PKHD1: variants seen among roughly 807,000 people sequenced by gnomAD.
PKHD1 encodes the protein PKHD1 ciliary IPT domain containing fibrocystin/polyductin.
PKHD1 carries 291 observed loss-of-function variants against 412.0 expected under a neutral mutation model. The ratio of observed to expected loss-of-function variants is 0.71; its 90% CI spans 0.64 to 0.78. The LOEUF (loss-of-function observed/expected upper bound fraction) is 0.78, where lower values mean the gene tolerates loss of function less well. PKHD1 is among the 30% of genes least tolerant of loss of function. The pLI is 0.00. For synonymous variants in PKHD1, 1,777 were observed against 1,821.5 expected, an observed-to-expected ratio of 0.98 and a Z score of 0.62; for missense variants, 4,825 against 4,950.7, an observed-to-expected ratio of 0.97 and a Z score of 0.76.
In PKHD1 at chr6:51,912,365, C is replaced by G; in HGVS notation, c.6332+1G>C. On this transcript the variant is annotated splice_donor_variant, in intron 38 of 66. Coordinates refer to ENST00000371117, the MANE Select transcript of PKHD1 (RefSeq NM_138694.4). LOFTEE classifies it high-confidence loss of function. ...AACTTAGCCAAGCTGACACTCAGTA[C>G]CTCAAAGGTGACTTAAGATAGAGGT... is the stretch of plus-strand genomic sequence containing the variant. 1 of 1,597,116 alleles carries G rather than the reference C, an allele frequency of 6.3e-7. No individual in the cohort carries two copies. Among genetic ancestry groups the G allele is most frequent in the Non-Finnish European group, 8.6e-7 (1 of 1,164,826 alleles).
chr6:52,034,179 G>GAA (rs60829265), intron 28 of PKHD1, among the ~76,000 whole-genome samples: 1 of 139,860 alleles, frequency 7.2e-6, no homozygotes, highest in Non-Finnish European at 1.5e-5. Flanking sequence ...AACTCTAGGG[G>GAA]AAAAAAAAAA....
chr6:52,074,729 G>A (rs1811108100), intron 6 of PKHD1, among the ~76,000 whole-genome samples: 2 of 152,190 alleles, frequency 1.3e-5, no homozygotes, highest in South Asian at 4.1e-4. Flanking sequence ...TGCTCAGAAA[G>A]CATCGTCTCT....
chr6:51,864,081 C>G (rs1057198162), intron 48 of PKHD1, among the ~76,000 whole-genome samples: 3 of 152,106 alleles, frequency 2.0e-5, no homozygotes, highest in South Asian at 2.1e-4. Flanking sequence ...CTCAGGGAAG[C>G]CTAGCAGAGA....
At chr6:51,848,883 TA>T (rs1179553371) in intron 49 of PKHD1, among the ~76,000 whole-genome samples, 1 of 150,752 alleles carries the variant, frequency 6.6e-6, no homozygotes, top group Non-Finnish European at 1.5e-5. Flanking sequence ...TGGAAAAATG[TA>T]CCCACTTTCC....
chr6:51,906,472 A>C, intron 40 of PKHD1, 132 bp from the exon 41 acceptor site: 1 of 741,610 alleles, frequency 1.3e-6, no homozygotes, highest in African/African-American at 1.7e-5. Flanking sequence ...AAGAAGTTAG[A>C]AGCAGCAATC....
intron 60 of PKHD1, among the ~76,000 whole-genome samples, chr6:51,743,640 G>A (rs1176704639): frequency 1.3e-5 from 2 of 152,194 alleles, no homozygotes; most frequent in Non-Finnish European, 2.9e-5. Flanking sequence ...ACATAGTCCT[G>A]TGAAAGTCAC....
intron 63 of PKHD1, among the ~76,000 whole-genome samples, chr6:51,646,347 A>C (rs951991417): frequency 5.3e-5 from 8 of 152,176 alleles, no homozygotes; most frequent in African/African-American, 1.9e-4. Flanking sequence ...ATGCATGAAG[A>C]GTTTGAGGCT....
chr6:51,949,974 A>C (rs1211421999), intron 36 of PKHD1, among the ~76,000 whole-genome samples: 2 of 152,024 alleles, frequency 1.3e-5, no homozygotes, highest in African/African-American at 4.8e-5. Context: ...CTGCTTATGC[A>C]TCTCCCTGTT....
intron 57 of PKHD1, among the ~76,000 whole-genome samples, chr6:51,749,858 TTG>T (rs1003758883): frequency 3.3e-5 from 5 of 152,240 alleles, no homozygotes; most frequent in Non-Finnish European, 7.3e-5. Flanking sequence ...CAATAATTAG[TTG>T]TGTGTCCTTT....
At chr6:51,767,241 G>C (rs1789212475) in intron 55 of PKHD1, among the ~76,000 whole-genome samples, 1 of 151,464 alleles carries the variant, frequency 6.6e-6, no homozygotes, top group African/African-American at 2.4e-5. Flanking sequence ...CTAATGTTTG[G>C]CTATTTTCTC....
intron 43 of PKHD1, among the ~76,000 whole-genome samples, chr6:51,899,922 T>C (rs1386056799): frequency 1.3e-5 from 2 of 152,022 alleles, no homozygotes; most frequent in South Asian, 2.1e-4. Context: ...TCACAATTGC[T>C]TCAAAGAGAA....
At chr6:51,854,846 G>A (rs1445046150) in intron 49 of PKHD1, among the ~76,000 whole-genome samples, 1 of 152,226 alleles carries the variant, frequency 6.6e-6, no homozygotes, top group Non-Finnish European at 1.5e-5. Context: ...CATCCACAGA[G>A]CTTAGCATGT....
At chr6:51,693,916 A>T (rs1356849937) in intron 60 of PKHD1, among the ~76,000 whole-genome samples, 1 of 152,186 alleles carries the variant, frequency 6.6e-6, no homozygotes, top group African/African-American at 2.4e-5. Context: ...CATCTTTTTC[A>T]CTTTTAAGTA....
At chr6:52,045,321 A>G (rs1805622374) in intron 24 of PKHD1, among the ~76,000 whole-genome samples, 1 of 152,236 alleles carries the variant, frequency 6.6e-6, no homozygotes, top group Middle Eastern at 3.2e-3. Flanking sequence ...AAGAGGTACA[A>G]TAAATCAATC....
At chr6:51,690,573 C>T (rs542710791) in intron 60 of PKHD1, among the ~76,000 whole-genome samples, 27 of 152,164 alleles carry the variant, frequency 1.8e-4, no homozygotes, top group Middle Eastern at 3.4e-3. Context: ...AGAAGGGATT[C>T]CCTATTCAAT....
At chr6:51,651,976 A>G (rs1771049821) in intron 61 of PKHD1, among the ~76,000 whole-genome samples, 1 of 152,160 alleles carries the variant, frequency 6.6e-6, no homozygotes, top group Non-Finnish European at 1.5e-5. Flanking sequence ...CTGCTCCAAT[A>G]TTAAAGCAAA....
At chr6:51,693,834 T>A (rs1055124580) in intron 60 of PKHD1, among the ~76,000 whole-genome samples, 1 of 152,130 alleles carries the variant, frequency 6.6e-6, no homozygotes, top group African/African-American at 2.4e-5. Context: ...ATTCATTTAA[T>A]CTCCACAATA....
intron 36 of PKHD1, among the ~76,000 whole-genome samples, chr6:51,949,390 A>T (rs1789967839): frequency 6.6e-6 from 1 of 152,168 alleles, no homozygotes. Context: ...ATCTGGGCAG[A>T]GTTGGAGTAT....
chr6:51,980,196 T>G (rs532635371), intron 35 of PKHD1, among the ~76,000 whole-genome samples: 3 of 152,200 alleles, frequency 2.0e-5, no homozygotes, highest in Non-Finnish European at 4.4e-5. Context: ...CAAAATGCTT[T>G]CTCTTGCCTG....
Sources: gnomAD v4.1 joint callset for allele counts (sites outside exome capture counted in the v4.1 genomes callset) on GRCh38, gnomAD v4.1.1 for gene constraint, MANE v1.5 for transcripts, NCBI Gene and HGNC (gene_info 2026-07-23, HGNC 2026-07-21) for gene names.